SRBD1: variants seen among roughly 807,000 people sequenced by gnomAD.
SRBD1 encodes the protein S1 RNA binding domain 1.
A neutral mutation model predicts 115.3 loss-of-function variants in SRBD1; 88 were observed. The observed-to-expected ratio is 0.76, with a 90% CI of 0.64 to 0.91. The LOEUF is 0.91. SRBD1 is among the 40% of genes least tolerant of loss of function. The probability of loss-of-function intolerance (pLI) is 0.00; values close to 1 mark genes in which losing one functional copy is unlikely to be tolerated. For synonymous variants in SRBD1, 509 were observed against 407.7 expected (o/e 1.25, Z -2.99); for missense variants, 1,385 against 1,177.4 (o/e 1.18, Z -2.58).
chr2:45,536,342 C>T (rs140527408), intron 14 of SRBD1, among the ~76,000 whole-genome samples: 43 of 151,622 alleles, frequency 2.8e-4, no homozygotes, highest in African/African-American at 1.0e-3. Flanking sequence ...GGGAAAAAAA[C>T]ATACTTGATA....
chr2:45,414,804 G>GTACA (rs1667748268), intron 18 of SRBD1, among the ~76,000 whole-genome samples: 1 of 137,248 alleles, frequency 7.3e-6, no homozygotes, highest in Non-Finnish European at 1.6e-5. Context: ...TATATAGTAT[G>GTACA]TACACACACA....
intron 16 of SRBD1, among the ~76,000 whole-genome samples, chr2:45,467,357 T>G (rs1274092528): frequency 6.6e-6 from 1 of 152,194 alleles, no homozygotes; most frequent in Non-Finnish European, 1.5e-5. Flanking sequence ...GGTTTCTCAT[T>G]TAAATAATTT....
At chr2:45,527,059 T>G (rs1671465434) in intron 14 of SRBD1, among the ~76,000 whole-genome samples, 1 of 151,930 alleles carries the variant, frequency 6.6e-6, no homozygotes, top group South Asian at 2.1e-4. Context: ...AAATGTAGCT[T>G]TAATCTGAAA....
chr2:45,545,587 T>G (rs905463405), intron 14 of SRBD1, among the ~76,000 whole-genome samples: 48 of 152,168 alleles, frequency 3.2e-4, no homozygotes, highest in African/African-American at 1.2e-3. Context: ...AGTGCTTGTG[T>G]TAGTTTCTCA....
intron 4 of SRBD1, among the ~76,000 whole-genome samples, chr2:45,588,294 T>C (rs1673608994): frequency 6.6e-6 from 1 of 152,202 alleles, no homozygotes; most frequent in East Asian, 1.9e-4. Context: ...TTATCCAGTC[T>C]TTCCCTAGAT....
chr2:45,413,502 C>A (rs564362941), intron 18 of SRBD1, among the ~76,000 whole-genome samples: 108 of 152,252 alleles, frequency 7.1e-4, no homozygotes, highest in African/African-American at 2.5e-3. Flanking sequence ...ACATTCTTAA[C>A]TGATTGTATA....
At chr2:45,551,431 G>T (rs1474000216) in intron 11 of SRBD1, 149 bp from the exon 12 acceptor site, 1 of 831,792 alleles carries the variant, frequency 1.2e-6, no homozygotes, top group African/African-American at 1.7e-5. Context: ...AAATTATATT[G>T]AGTCTATTTT....
intron 15 of SRBD1, among the ~76,000 whole-genome samples, chr2:45,482,686 T>C (rs1285012383): frequency 6.6e-6 from 1 of 150,590 alleles, no homozygotes; most frequent in South Asian, 2.1e-4. Flanking sequence ...AGAACAAGGA[T>C]GAAAGTGGAA....
At chr2:45,591,683 G>C (rs1033882991) in intron 4 of SRBD1, among the ~76,000 whole-genome samples, 3 of 152,186 alleles carry the variant, frequency 2.0e-5, no homozygotes, top group African/African-American at 7.2e-5. Context: ...AGACAGGCAT[G>C]AGCATGGCAG....
chr2:45,389,036 CAAA>C lies in SRBD1; in HGVS notation c.*271_*273del. The stretch of plus-strand genomic sequence containing the variant: ...TGCAAAAGGAGTTAAAGATAAATTA[CAAA>C]AAATAAAAAACAAAATTTTAGTCAG... On this transcript the variant is annotated 3_prime_UTR_variant, in exon 21 of 21. Coordinates refer to ENST00000263736, the MANE Select transcript of SRBD1 (RefSeq NM_018079.5). The C allele has an allele frequency of 2.7e-6, 1 of 370,602 alleles. No homozygotes were observed. The highest frequency in any genetic ancestry group is 4.8e-6 in the Non-Finnish European group (1 of 208,102). The allele number at this position is 370,602 out of a possible 1,614,324, so 23.0% of individuals were successfully genotyped here.
chr2:45,534,158 C>G (rs1356019900), intron 14 of SRBD1, among the ~76,000 whole-genome samples: 1 of 151,810 alleles, frequency 6.6e-6, no homozygotes, highest in East Asian at 1.9e-4. Flanking sequence ...ATTTTAAAAC[C>G]ACACACACAT....
At position 45,599,583 on chromosome 2, in the gene SRBD1, C is replaced by T. The variant is rs530642304; in HGVS notation, c.514G>A (p.Asp172Asn). 5.0e-6 allele frequency: 8 copies of T among 1,614,136 alleles called. No homozygotes were observed. Among genetic ancestry groups the T allele is most frequent in the African/African-American group, 2.7e-5 (2 of 75,020 alleles). ...GCGGACTGACCAAATGTAAAGTCAT[C>T]GTCATTCTCTTCCTTCTTGCATGTA... Reference protein sequence around the residue: ...GGTCKKEENDDDFTFGQSALK... With the variant: ...GGTCKKEENDNDFTFGQSALK... The change falls in exon 4 of 21, where the codon GAT (aspartate) becomes AAT (asparagine). Residue 172 changes from aspartate (D) to asparagine (N), a missense_variant. Physicochemically the swap from Asp to Asn is conservative, Grantham distance 23. Transcript: ENST00000263736.
chr2:45,557,539 G>A (rs1672521099), intron 10 of SRBD1, among the ~76,000 whole-genome samples: 1 of 152,142 alleles, frequency 6.6e-6, no homozygotes, highest in Non-Finnish European at 1.5e-5. Flanking sequence ...ACTTGAGGAT[G>A]CCTCAATCAT....
Position 45,389,390 on chromosome 2 carries a change from C to T in SRBD1, c.2908G>A (p.Gly970Arg), listed in dbSNP as rs1263192988. The T allele has an allele frequency of 9.9e-6, 16 of 1,613,912 alleles. No individual in the cohort carries two copies. Among genetic ancestry groups the T allele is most frequent in the South Asian group, 2.2e-5 (2 of 91,084 alleles). ...KKRRSLGLGPGERVEVQVLNI... is the reference protein window; with the variant it reads ...KKRRSLGLGPRERVEVQVLNI... The stretch of plus-strand genomic sequence containing the variant: ...AGTACTTGGACTTCCACTCTTTCTC[C>T]GGGGCCCAGTCCAAGGCTTCTTCTC... Residue 970 changes from glycine to arginine, a missense_variant, in exon 21 of 21, where the codon GGA becomes AGA. By Grantham distance (125) the Gly-to-Arg change is moderately radical (BLOSUM62 -2). Transcript: ENST00000263736.
chr2:45,428,648 T>C (rs1476918031), intron 16 of SRBD1, among the ~76,000 whole-genome samples: 6 of 152,124 alleles, frequency 3.9e-5, no homozygotes, highest in African/African-American at 7.2e-5. Flanking sequence ...CCAGAATCTC[T>C]GGGACACAGC....
intron 16 of SRBD1, among the ~76,000 whole-genome samples, chr2:45,442,178 G>A (rs1449950918): frequency 2.0e-5 from 3 of 152,114 alleles, no homozygotes; most frequent in Admixed American, 2.0e-4. Context: ...TCAGCTCCCA[G>A]GTCAAGCCTT....
At chr2:45,591,517 T>G (rs1347970928) in intron 4 of SRBD1, among the ~76,000 whole-genome samples, 2 of 152,170 alleles carry the variant, frequency 1.3e-5, no homozygotes, top group Non-Finnish European at 2.9e-5. Context: ...ATAGGCTCTG[T>G]GTAGGCAGTG....
At chr2:45,573,704 CTTAAAAA>C (rs1335334491) in intron 8 of SRBD1, among the ~76,000 whole-genome samples, 1 of 152,036 alleles carries the variant, frequency 6.6e-6, no homozygotes, top group Non-Finnish European at 1.5e-5. Context: ...CAATTAAAAA[CTTAAAAA>C]AAGAGAAACA....
At chr2:45,503,712 AAT>A (rs1359179397) in intron 14 of SRBD1, among the ~76,000 whole-genome samples, 4 of 152,174 alleles carry the variant, frequency 2.6e-5, no homozygotes, top group African/African-American at 9.6e-5. Flanking sequence ...ACAAATGTAA[AAT>A]ATGTTTGATT....
Sources: allele counts gnomAD v4.1 joint callset (sites outside exome capture counted in the v4.1 genomes callset), GRCh38; gene constraint gnomAD v4.1.1; transcripts MANE v1.5; gene names NCBI Gene and HGNC (gene_info 2026-07-23, HGNC 2026-07-21).